Variants in DAB1 observed in about 807,000 individuals in gnomAD.
DAB1 encodes the protein DAB adaptor protein 1, also known as disabled homolog 1.
Under a neutral mutation model 64.6 loss-of-function variants are expected in DAB1, and 15 were observed. The ratio of observed to expected loss-of-function variants is 0.23; its 90% confidence interval spans 0.16 to 0.36. The LOEUF is 0.36. DAB1 is among the 10% of genes least tolerant of loss of function. The probability of loss-of-function intolerance (pLI) is 1.00; values close to 1 mark genes in which losing one functional copy is unlikely to be tolerated. For synonymous variants in DAB1, 235 were observed against 251.9 expected, an observed-to-expected ratio of 0.93 and a Z score of 0.64; for missense variants, 596 against 706.7, an observed-to-expected ratio of 0.84 and a Z score of 1.78.
intron 4 of DAB1, among the ~76,000 whole-genome samples, chr1:57,078,611 G>T (rs1652203170): frequency 6.6e-6 from 1 of 152,150 alleles, no homozygotes. Flanking sequence ...TATGATAATA[G>T]TATCTCTCTC....
At chr1:57,101,038 G>A (rs1434042502) in intron 4 of DAB1, among the ~76,000 whole-genome samples, 1 of 152,142 alleles carries the variant, frequency 6.6e-6, no homozygotes, top group Non-Finnish European at 1.5e-5. Context: ...CTGGTCAGCA[G>A]CACAGTCAGG....
chr1:58,073,449 A>C lies in DAB1; in HGVS notation n.387+77062T>G, dbSNP rs2764686. Reference sequence around the variant, plus strand: ...ACCTTTATCATAGCACCTGAGTAGAAACTCAAAACATTCTGTACTTGCTCT... The same window carrying C: ...ACCTTTATCATAGCACCTGAGTAGACACTCAAAACATTCTGTACTTGCTCT... On this transcript the variant is annotated intron_variant and non_coding_transcript_variant, in intron 5 of 20. Coordinates refer to the DAB1 transcript ENST00000485760. Among the ~76,000 whole-genome samples, 20 of 152,138 alleles carry C rather than the reference A, an allele frequency of 1.3e-4. No homozygotes were observed. The South Asian group carries it at 3.9e-3, about 30-fold the overall frequency.
At chr1:57,868,550 G>A in intron 1 of DAB1, among the ~76,000 whole-genome samples, 1 of 152,098 alleles carries the variant, frequency 6.6e-6, no homozygotes, top group East Asian at 1.9e-4. Context: ...GTGGAGAGCT[G>A]TCTTGTGTAT....
intron 5 of DAB1, among the ~76,000 whole-genome samples, chr1:58,054,829 G>T (rs1349042282): frequency 2.0e-5 from 3 of 152,180 alleles, no homozygotes; most frequent in Admixed American, 1.3e-4. Context: ...TTTTAAAAAC[G>T]AGGCCTTGGA....
At chr1:57,996,197 G>A (rs1192197347) in intron 5 of DAB1, among the ~76,000 whole-genome samples, 1 of 152,068 alleles carries the variant, frequency 6.6e-6, no homozygotes, top group Non-Finnish European at 1.5e-5. Context: ...AGGCAGAGGA[G>A]GCAATGAGCT....
intron 3 of DAB1, among the ~76,000 whole-genome samples, chr1:58,392,367 A>C (rs936478599): frequency 1.3e-5 from 2 of 152,148 alleles, no homozygotes; most frequent in African/African-American, 4.8e-5. Context: ...ACTCTCAACT[A>C]TAAAGAGAAA....
At chr1:58,396,529 C>A (rs1644523961) in intron 3 of DAB1, among the ~76,000 whole-genome samples, 2 of 151,534 alleles carry the variant, frequency 1.3e-5, no homozygotes, top group African/African-American at 2.4e-5. Context: ...TGCATAGACA[C>A]AAAGACAAGA....
chr1:57,223,982 T>G (rs1667074308), intron 2 of DAB1, among the ~76,000 whole-genome samples: 1 of 152,184 alleles, frequency 6.6e-6, no homozygotes, highest in Admixed American at 6.5e-5. Context: ...AGCTAAATGA[T>G]TTTATGTGAG....
chr1:57,715,180 T>C (rs1647070373), intron 6 of DAB1, among the ~76,000 whole-genome samples: 1 of 152,158 alleles, frequency 6.6e-6, no homozygotes, highest in Non-Finnish European at 1.5e-5. Flanking sequence ...ACAAAAACCA[T>C]ATGATTATTT....
At chr1:57,259,720 T>C (rs992977644) in intron 2 of DAB1, among the ~76,000 whole-genome samples, 2 of 152,304 alleles carry the variant, frequency 1.3e-5, no homozygotes, top group Non-Finnish European at 2.9e-5. Flanking sequence ...AAAGAGGTTA[T>C]TCATCAGTTT....
At chr1:57,350,792 G>T (rs927893483) in intron 1 of DAB1, among the ~76,000 whole-genome samples, 1 of 152,128 alleles carries the variant, frequency 6.6e-6, no homozygotes, top group Non-Finnish European at 1.5e-5. Context: ...AAGATAAAAT[G>T]AATGTCTGCT....
At chr1:57,780,157 T>C (rs184809293) in intron 6 of DAB1, among the ~76,000 whole-genome samples, 10 of 152,040 alleles carry the variant, frequency 6.6e-5, no homozygotes, top group African/African-American at 2.4e-4. Flanking sequence ...CACTTGGAGG[T>C]TCCATCTCTT....
At chr1:57,796,482 G>A (rs921977923) in intron 6 of DAB1, among the ~76,000 whole-genome samples, 4 of 151,810 alleles carry the variant, frequency 2.6e-5, no homozygotes, top group East Asian at 1.9e-4. Flanking sequence ...AGCTGAGATC[G>A]TGCCGCTGCA....
At chr1:58,404,754 C>T (rs1644601231) in intron 3 of DAB1, among the ~76,000 whole-genome samples, 1 of 151,998 alleles carries the variant, frequency 6.6e-6, no homozygotes, top group South Asian at 2.1e-4. Context: ...CTGTTAAGTT[C>T]CTCATATGTA....
intron 4 of DAB1, among the ~76,000 whole-genome samples, chr1:57,092,919 AG>A (rs1325595821): frequency 6.6e-6 from 1 of 152,176 alleles, no homozygotes; most frequent in Non-Finnish European, 1.5e-5. Context: ...TTCCTTTTCT[AG>A]GCAAAAAATG....
intron 5 of DAB1, among the ~76,000 whole-genome samples, chr1:57,925,025 G>A (rs565971467): frequency 1.3e-5 from 2 of 152,190 alleles, no homozygotes; most frequent in East Asian, 1.9e-4. Flanking sequence ...CTTCTAAGAC[G>A]AATATCTGTG....
intron 4 of DAB1, among the ~76,000 whole-genome samples, chr1:57,081,127 A>T (rs1474727438): frequency 1.3e-5 from 2 of 152,322 alleles, no homozygotes; most frequent in African/African-American, 4.8e-5. Context: ...GAAGGATTTG[A>T]ATCCTTCCAT....
chr1:58,062,756 G>T (rs6657553), intron 5 of DAB1, among the ~76,000 whole-genome samples: 15,405 of 152,194 alleles, frequency 0.1, 837 homozygotes, highest in Middle Eastern at 0.15. Flanking sequence ...AAGTTTCTCA[G>T]CCCTGAGATG....
chr1:58,538,850 G>C (rs761388062), intron 1 of DAB1: 13 of 869,776 alleles, frequency 1.5e-5, no homozygotes, highest in Non-Finnish European at 4.0e-6. Flanking sequence ...ATCAACAAGA[G>C]AGGAACCGGA....
Sources: allele counts gnomAD v4.1 joint callset (sites outside exome capture counted in the v4.1 genomes callset), GRCh38; gene constraint gnomAD v4.1.1; transcripts MANE v1.5; gene names NCBI Gene and HGNC (gene_info 2026-07-23, HGNC 2026-07-21).